The following HORMAD2 variants were observed in gnomAD, a reference collection of about 807,000 sequenced individuals.
HORMAD2 encodes HORMA domain-containing protein 2.
Under a neutral mutation model 38.8 loss-of-function variants are expected in HORMAD2, and 45 were observed. The observed-to-expected ratio is 1.16, with a 90% CI of 0.91 to 1.49. The LOEUF (loss-of-function observed/expected upper bound fraction) is 1.49. Among genes scored for constraint, HORMAD2 ranks in the 40% most tolerant of loss-of-function variants. The probability of loss-of-function intolerance (pLI) is 0.00; values close to 1 mark genes in which losing one functional copy is unlikely to be tolerated. For missense variants in HORMAD2, 338 were observed against 367.0 expected, an observed-to-expected ratio of 0.92 and a Z score of 0.65; for synonymous variants, 126 against 122.8, an observed-to-expected ratio of 1.03 and a Z score of -0.17.
chr22:30,116,863 A>T (rs1922078980), intron 7 of HORMAD2, among the ~76,000 whole-genome samples: 1 of 152,220 alleles, frequency 6.6e-6, no homozygotes, highest in South Asian at 2.1e-4. Context: ...ATTGAGAAAC[A>T]TGGGCAGGCA....
At chr22:30,085,529 A>G (rs2068555485) in intron 1 of HORMAD2, among the ~76,000 whole-genome samples, 2 of 152,182 alleles carry the variant, frequency 1.3e-5, no homozygotes, top group Admixed American at 1.3e-4. Flanking sequence ...CAAAGTGGGC[A>G]GATCACTTGA....
At chr22:30,205,239 G>A in the HORMAD2 span, among the ~76,000 whole-genome samples, 1 of 152,098 alleles carries the variant, frequency 6.6e-6, no homozygotes, top group Non-Finnish European at 1.5e-5. Flanking sequence ...GTGTGTGTGT[G>A]TTACCTAAGG....
At chr22:30,148,747 G>A (rs1924571314) in intron 10 of HORMAD2, among the ~76,000 whole-genome samples, 2 of 152,170 alleles carry the variant, frequency 1.3e-5, no homozygotes, top group Admixed American at 1.3e-4. Flanking sequence ...GCTCACACCT[G>A]TAATCCCAGC....
chr22:30,115,843 A>G (rs578213846), intron 7 of HORMAD2, among the ~76,000 whole-genome samples: 5 of 152,264 alleles, frequency 3.3e-5, no homozygotes, highest in Admixed American at 2.6e-4. Context: ...GGCAGTTCCT[A>G]GGAGGCATCC....
chr22:30,202,012 G>A, the HORMAD2 span, among the ~76,000 whole-genome samples: 1 of 152,170 alleles, frequency 6.6e-6, no homozygotes, highest in Non-Finnish European at 1.5e-5. Context: ...ATCTGTATTG[G>A]AGGGAAGTAG....
At chr22:30,111,167 A>G (rs1306314100) in intron 5 of HORMAD2, among the ~76,000 whole-genome samples, 1 of 150,116 alleles carries the variant, frequency 6.7e-6, no homozygotes, top group African/African-American at 2.4e-5. Context: ...AAAAAAAAAA[A>G]AAGAAAGAAA....
At chr22:30,118,898 A>C in intron 7 of HORMAD2, 82 bp from the exon 8 acceptor site, 1 of 895,334 alleles carries the variant, frequency 1.1e-6, no homozygotes, top group Non-Finnish European at 1.8e-6. Flanking sequence ...TACAGTGAAA[A>C]TGTTCCTTAC....
chr22:30,185,604 T>C, the HORMAD2 span, among the ~76,000 whole-genome samples: 1 of 152,236 alleles, frequency 6.6e-6, no homozygotes, highest in East Asian at 1.9e-4. Context: ...AACTCTAACA[T>C]AGTTCTAGCT....
At chr22:30,130,594 T>C (rs1040040413) in intron 10 of HORMAD2, among the ~76,000 whole-genome samples, 22 of 143,034 alleles carry the variant, frequency 1.5e-4, no homozygotes, top group Non-Finnish European at 2.8e-4. Flanking sequence ...TTCTTTTTTT[T>C]TTTTTTTTTT....
chr22:30,118,857 A>G, intron 7 of HORMAD2, 123 bp from the exon 8 acceptor site: 2 of 661,188 alleles, frequency 3.0e-6, no homozygotes, highest in Non-Finnish European at 5.3e-6. Context: ...ATACTGTGAA[A>G]CAAACAGCTA....
intron 10 of HORMAD2, among the ~76,000 whole-genome samples, chr22:30,135,952 A>T (rs144144465): frequency 4.4e-4 from 67 of 152,344 alleles, no homozygotes; most frequent in African/African-American, 1.5e-3. Context: ...CCATAACCTG[A>T]GGGACACCAG....
At chr22:30,175,237 T>TATAA (rs1181543349) in intron 10 of HORMAD2, among the ~76,000 whole-genome samples, 53 of 63,058 alleles carry the variant, frequency 8.4e-4, no homozygotes, top group African/African-American at 2.4e-3. Context: ...ATAGAATATA[T>TATAA]TATATATAAT....
intron 2 of HORMAD2, among the ~76,000 whole-genome samples, chr22:30,097,227 A>C (rs1335692144): frequency 6.6e-6 from 1 of 152,232 alleles, no homozygotes; most frequent in Non-Finnish European, 1.5e-5. Context: ...CATATGTTGA[A>C]ATGATAATTT....
intron 10 of HORMAD2, among the ~76,000 whole-genome samples, chr22:30,158,610 C>CCTTT (rs1569115364): frequency 1.5e-4 from 15 of 99,240 alleles, no homozygotes; most frequent in Middle Eastern, 4.2e-3. Flanking sequence ...TCCCTCCCTC[C>CCTTT]GTCCCTCCCT....
chr22:30,130,465 A>G (rs1189254922), intron 10 of HORMAD2, among the ~76,000 whole-genome samples: 2 of 152,176 alleles, frequency 1.3e-5, no homozygotes, highest in Non-Finnish European at 2.9e-5. Context: ...GAATTGTCCA[A>G]GGAATCCCGG....
chr22:30,130,107 A>G (rs540506762), intron 10 of HORMAD2, among the ~76,000 whole-genome samples: 14 of 152,184 alleles, frequency 9.2e-5, no homozygotes, highest in Admixed American at 9.2e-4. Context: ...AACAGCTTAC[A>G]CTGCTTTTCT....
chr22:30,195,284 T>C, the HORMAD2 span, among the ~76,000 whole-genome samples: 1 of 151,978 alleles, frequency 6.6e-6, no homozygotes, highest in African/African-American at 2.4e-5. Flanking sequence ...AGTTATGAGC[T>C]AGCATTTTTT....
intron 2 of HORMAD2, among the ~76,000 whole-genome samples, chr22:30,097,137 C>G (rs748566276): frequency 2.0e-5 from 3 of 152,140 alleles, no homozygotes; most frequent in Admixed American, 2.0e-4. Flanking sequence ...ATAATTATGA[C>G]AAACAGATCA....
chr22:30,148,341 T>A (rs920668346), intron 10 of HORMAD2, among the ~76,000 whole-genome samples: 1 of 152,198 alleles, frequency 6.6e-6, no homozygotes, highest in Non-Finnish European at 1.5e-5. Context: ...ACTAACTTTA[T>A]AATGAATGGA....
Sources: allele counts gnomAD v4.1 joint callset (sites outside exome capture counted in the v4.1 genomes callset), GRCh38; gene constraint gnomAD v4.1.1; transcripts MANE v1.5; gene names NCBI Gene and HGNC (gene_info 2026-07-23, HGNC 2026-07-21).